EXOC4: variants seen among roughly 807,000 people sequenced by gnomAD.
EXOC4 encodes SEC8-like 1.
Under a neutral mutation model 107.2 loss-of-function variants are expected in EXOC4, and 71 were observed. The ratio of observed to expected loss-of-function variants is 0.66; its 90% confidence interval spans 0.55 to 0.81. EXOC4 has a LOEUF of 0.81. EXOC4 is among the 30% of genes least tolerant of loss of function. The pLI is 0.00. For missense variants in EXOC4, 1,108 were observed against 1,189.6 expected (o/e 0.93, Z 1.01); for synonymous variants, 456 against 441.2 (o/e 1.03, Z -0.42).
chr7:133,420,698 C>T (rs1584903238), intron 7 of EXOC4, among the ~76,000 whole-genome samples: 1 of 151,996 alleles, frequency 6.6e-6, no homozygotes, highest in East Asian at 1.9e-4. Context: ...AGTGACATTC[C>T]TTAGACGATT....
At chr7:133,648,125 A>G (rs938231914) in intron 10 of EXOC4, among the ~76,000 whole-genome samples, 1 of 152,246 alleles carries the variant, frequency 6.6e-6, no homozygotes, top group Non-Finnish European at 1.5e-5. Flanking sequence ...TACCCAAGGT[A>G]AATTTTCAAG....
At chr7:134,100,648 G>C in the EXOC4 span, among the ~76,000 whole-genome samples, 258 of 130,906 alleles carry the variant, frequency 2.0e-3, 58 homozygotes, top group Non-Finnish European at 3.0e-3. Context: ...TGCTGGAAAA[G>C]ACATCTAAAT....
At chr7:133,613,717 A>T (rs59601406) in intron 9 of EXOC4, among the ~76,000 whole-genome samples, 20,118 of 152,146 alleles carry the variant, frequency 0.13, 1,456 homozygotes, top group East Asian at 0.23. Flanking sequence ...ATTGTAAAAG[A>T]AAAGGAAATT....
At chr7:133,613,334 C>T (rs1314506548) in intron 9 of EXOC4, among the ~76,000 whole-genome samples, 1 of 152,122 alleles carries the variant, frequency 6.6e-6, no homozygotes, top group East Asian at 1.9e-4. Context: ...GCAGCAATTT[C>T]GTAGTCACCT....
intron 9 of EXOC4, 66 bp downstream of exon 9, chr7:133,480,204 G>C: frequency 1.3e-6 from 2 of 1,581,564 alleles, no homozygotes; most frequent in Non-Finnish European, 1.7e-6. Context: ...TTACACATGA[G>C]TTTGTGTCCT....
intron 9 of EXOC4, among the ~76,000 whole-genome samples, chr7:133,568,176 C>G (rs991646222): frequency 4.6e-5 from 7 of 151,936 alleles, no homozygotes; most frequent in Non-Finnish European, 5.9e-5. Flanking sequence ...TTTCTGCAAC[C>G]TGTCTCCTCA....
At chr7:133,441,837 T>G (rs1355226802) in intron 7 of EXOC4, among the ~76,000 whole-genome samples, 1 of 151,936 alleles carries the variant, frequency 6.6e-6, no homozygotes, top group Non-Finnish European at 1.5e-5. Flanking sequence ...GTGTGGGGGG[T>G]GTGTGTGTGT....
At chr7:133,601,264 T>C (rs1801800564) in intron 9 of EXOC4, among the ~76,000 whole-genome samples, 1 of 152,176 alleles carries the variant, frequency 6.6e-6, no homozygotes, top group South Asian at 2.1e-4. Context: ...CTGATAGTCC[T>C]GTTATTTTTA....
intron 9 of EXOC4, among the ~76,000 whole-genome samples, chr7:133,570,566 C>G (rs995198386): frequency 1.3e-5 from 2 of 152,102 alleles, no homozygotes; most frequent in East Asian, 3.9e-4. Context: ...GATATGAGCC[C>G]AAGAATCTCA....
intron 7 of EXOC4, among the ~76,000 whole-genome samples, chr7:133,436,914 A>G (rs1417374357): frequency 6.6e-6 from 1 of 152,104 alleles, no homozygotes; most frequent in Non-Finnish European, 1.5e-5. Context: ...ATATAATTTT[A>G]TATAAATTTA....
At chr7:133,413,671 G>C (rs2150749169) in intron 7 of EXOC4, among the ~76,000 whole-genome samples, 1 of 152,254 alleles carries the variant, frequency 6.6e-6, no homozygotes, top group African/African-American at 2.4e-5. Context: ...AAGCGCAGAA[G>C]AATCTTCGAA....
chr7:133,976,282 A>C (rs1188935142), intron 14 of EXOC4, among the ~76,000 whole-genome samples: 1 of 152,176 alleles, frequency 6.6e-6, no homozygotes, highest in East Asian at 1.9e-4. Flanking sequence ...TTTCTGTCTT[A>C]TTTAGAAAGG....
At chr7:133,745,805 A>G (rs1439142174) in intron 10 of EXOC4, among the ~76,000 whole-genome samples, 1 of 145,340 alleles carries the variant, frequency 6.9e-6, no homozygotes, top group Non-Finnish European at 1.5e-5. Context: ...CTCTCCTTCT[A>G]GCATGTATGT....
intron 14 of EXOC4, among the ~76,000 whole-genome samples, chr7:133,960,428 G>GT (rs1233425186): frequency 1.3e-4 from 20 of 152,172 alleles, no homozygotes; most frequent in Non-Finnish European, 2.9e-4. Flanking sequence ...AATAGGATTA[G>GT]TACCAATTCT....
At chr7:133,427,944 A>G (rs1797765529) in intron 7 of EXOC4, among the ~76,000 whole-genome samples, 1 of 152,222 alleles carries the variant, frequency 6.6e-6, no homozygotes, top group Non-Finnish European at 1.5e-5. Context: ...TTACAGAAAA[A>G]GATGAGAGAC....
intron 10 of EXOC4, among the ~76,000 whole-genome samples, chr7:133,651,237 A>G (rs1053109723): frequency 2.0e-5 from 3 of 152,124 alleles, no homozygotes; most frequent in African/African-American, 7.2e-5. Flanking sequence ...GTCTAGGTCA[A>G]GGAAGACATC....
intron 9 of EXOC4, among the ~76,000 whole-genome samples, chr7:133,510,627 A>G (rs1799750899): frequency 6.6e-6 from 1 of 152,194 alleles, no homozygotes; most frequent in Non-Finnish European, 1.5e-5. Flanking sequence ...TTAGCAATCT[A>G]AACACTGGAA....
At chr7:133,719,999 T>C (rs1795074446) in intron 10 of EXOC4, among the ~76,000 whole-genome samples, 1 of 152,212 alleles carries the variant, frequency 6.6e-6, no homozygotes, top group African/African-American at 2.4e-5. Context: ...ATTGATTATA[T>C]ATGATTGTCT....
chr7:133,633,203 A>T (rs1229314641), intron 10 of EXOC4, among the ~76,000 whole-genome samples: 1 of 152,182 alleles, frequency 6.6e-6, no homozygotes, highest in Non-Finnish European at 1.5e-5. Flanking sequence ...GATGTCCTAT[A>T]CCTTGTGGGA....
Sources: allele counts gnomAD v4.1 joint callset (sites outside exome capture counted in the v4.1 genomes callset), GRCh38; gene constraint gnomAD v4.1.1; transcripts MANE v1.5; gene names NCBI Gene and HGNC (gene_info 2026-07-23, HGNC 2026-07-21).